The following LAMA2 variants were observed in gnomAD, a reference collection of about 807,000 sequenced individuals.
LAMA2 encodes the protein laminin subunit alpha-2.
In LAMA2, 269 loss-of-function variants were observed where a neutral mutation model predicts 364.8. The observed-to-expected ratio is 0.74, with a 90% CI of 0.67 to 0.82. The LOEUF is 0.82. Ranked by LOEUF, LAMA2 falls within the 40% of genes least tolerant of loss-of-function variation. LAMA2 has a pLI of 0.00. For synonymous variants in LAMA2, 1,379 were observed against 1,370.6 expected (o/e 1.01, Z -0.14); for missense variants, 3,807 against 3,873.2 (o/e 0.98, Z 0.45).
chr6:129,353,967 T>C (rs1242355024), intron 32 of LAMA2, among the ~76,000 whole-genome samples: 2 of 152,218 alleles, frequency 1.3e-5, no homozygotes, highest in Non-Finnish European at 2.9e-5. Flanking sequence ...TAGTGCCATA[T>C]TGAAAGTACA....
chr6:128,991,393 A>G (rs930348376), intron 1 of LAMA2, among the ~76,000 whole-genome samples: 1 of 152,222 alleles, frequency 6.6e-6, no homozygotes, highest in African/African-American at 2.4e-5. Flanking sequence ...GCTCTAAAAA[A>G]TGTAAATGGA....
Position 129,461,646 on chromosome 6 carries a change from T to C in LAMA2, c.6992+1322T>C, listed in dbSNP as rs577822202. ...ATCAACAACAAAACATCTAAGGCAT[T>C]TAAATATCCATTCAGCAGTGCATGT... On this transcript the variant is annotated intron_variant, in intron 49 of 64. Transcript: ENST00000421865. 2.1e-3 allele frequency among the ~76,000 whole-genome samples: 322 copies of C among 152,134 alleles called. 2 individuals are homozygous for C. The highest frequency in any genetic ancestry group is 7.3e-3 in the African/African-American group (304 of 41,536).
chr6:129,465,023 C>T, intron 50 of LAMA2, 122 bp from the exon 51 acceptor site: 1 of 806,106 alleles, frequency 1.2e-6, no homozygotes, highest in Non-Finnish European at 2.1e-6. Flanking sequence ...TGGATTTCTG[C>T]AACAGAGTGA....
chr6:129,239,607 A>T (rs562767496), intron 12 of LAMA2, among the ~76,000 whole-genome samples: 1 of 152,260 alleles, frequency 6.6e-6, no homozygotes, highest in Admixed American at 6.5e-5. Flanking sequence ...AGACAGGTGG[A>T]TCTCTACTCA....
chr6:129,275,608 G>T (rs1788256489), intron 17 of LAMA2, among the ~76,000 whole-genome samples: 1 of 151,660 alleles, frequency 6.6e-6, no homozygotes, highest in South Asian at 2.1e-4. Context: ...TATATTAACA[G>T]CTATGTTAAT....
chr6:128,929,244 G>A, intron 1 of LAMA2: 2 of 1,458,218 alleles, frequency 1.4e-6, no homozygotes, highest in Admixed American at 1.7e-5. Context: ...TTGATGTACT[G>A]TAAGAGACCG....
rs751029725 is a variant in LAMA2, at chr6:129,314,833, A to G, written c.3555+35A>G. ...GAACTGCTGAGCCATGTAATGGTAT[A>G]ATGTTAGTTCCTGCTGGTGTCTTTT... On this transcript the variant is annotated intron_variant, in intron 24 of 64. Transcript: ENST00000421865. 9.3e-6 allele frequency: 15 copies of G among 1,611,680 alleles called. No homozygotes were observed. In the South Asian group the frequency reaches 1.5e-4, roughly 17 times the overall value.
intron 12 of LAMA2, among the ~76,000 whole-genome samples, chr6:129,248,511 ATTAAG>A (rs1785934306): frequency 6.6e-6 from 1 of 152,168 alleles, no homozygotes; most frequent in Admixed American, 6.5e-5. Context: ...GATTTCATAT[ATTAAG>A]TTGATATTTT....
chr6:129,211,770 A>C (rs1783114643), intron 12 of LAMA2, among the ~76,000 whole-genome samples: 1 of 152,172 alleles, frequency 6.6e-6, no homozygotes, highest in Non-Finnish European at 1.5e-5. Flanking sequence ...CCTTCTCTGC[A>C]CAATTCCCAT....
intron 1 of LAMA2, among the ~76,000 whole-genome samples, chr6:128,897,559 C>G (rs1250674007): frequency 6.6e-6 from 1 of 152,130 alleles, no homozygotes; most frequent in Non-Finnish European, 1.5e-5. Context: ...CAAGTGATGG[C>G]AAAAGGATAG....
Position 129,401,227 on chromosome 6 carries a change from A to G in LAMA2, c.5449A>G (p.Lys1817Glu), listed in dbSNP as rs1269988706. ...TCTTGTTCATAATGGTCTACAGAAA[A>G]AGAAGGAGGCTGTTGAAAGCGGCAA... ...NQKNMTALEK[K>E]KEAVESGKRQ... Residue 1817 changes from lysine to glutamate, a missense_variant, in exon 38 of 65, where the codon AAG becomes GAG. Lys to Glu is a moderately conservative substitution (Grantham distance 56). Around this residue, in one of 3 missense-constraint regions of LAMA2, gnomAD observed 3,333 missense variants for 3,345.7 expected, o/e 1.00. Coordinates refer to ENST00000421865, the MANE Select transcript of LAMA2 (RefSeq NM_000426.4). 6.3e-7 allele frequency: 1 copy of G among 1,579,942 alleles called. No individual in the cohort carries two copies. Among genetic ancestry groups the G allele is most frequent in the South Asian group, 1.1e-5 (1 of 90,172 alleles).
intron 14 of LAMA2, among the ~76,000 whole-genome samples, chr6:129,259,434 T>A (rs988380336): frequency 6.6e-6 from 1 of 152,092 alleles, no homozygotes; most frequent in African/African-American, 2.4e-5. Context: ...GGTTACAAGA[T>A]GCCATATCAT....
At chr6:129,216,271 GAAGA>G (rs1783418531) in intron 12 of LAMA2, among the ~76,000 whole-genome samples, 1 of 152,240 alleles carries the variant, frequency 6.6e-6, no homozygotes, top group African/African-American at 2.4e-5. Context: ...TTTGAGAGTA[GAAGA>G]ATATCCTTGA....
chr6:129,332,876 GT>G (rs1775735089), intron 29 of LAMA2, among the ~76,000 whole-genome samples: 1 of 127,780 alleles, frequency 7.8e-6, no homozygotes, highest in Non-Finnish European at 1.6e-5. Flanking sequence ...TTATTGTTAA[GT>G]TTACCATTTT....
chr6:129,501,193 G>A (rs950582371), intron 58 of LAMA2, among the ~76,000 whole-genome samples: 19 of 152,200 alleles, frequency 1.2e-4, no homozygotes, highest in African/African-American at 4.3e-4. Context: ...ATTCATGACT[G>A]AGATCTTAAG....
rs546820696 is a variant in LAMA2, at chr6:129,514,630, C to T, written c.9211+35C>T. ...GGCTACCCCAGCAACAATTTCTTTG[C>T]TCTCTTATGTTACTGGTTTTGAAAA... On this transcript the variant is annotated intron_variant, in intron 64 of 64. Transcript: ENST00000421865. 4.0e-6 allele frequency: 6 copies of T among 1,500,104 alleles called. No individual in the cohort carries two copies. The South Asian group carries it at 5.6e-5, about 14-fold the overall frequency. 92.9% of individuals were successfully genotyped at this position (1,500,104 alleles called of 1,614,324 possible).
At chr6:129,314,604 C>T (rs1376479357) in intron 23 of LAMA2, 51 bp from the exon 24 acceptor site, 1 of 1,582,226 alleles carries the variant, frequency 6.3e-7, no homozygotes, top group East Asian at 2.2e-5. Context: ...AGGGTGATTT[C>T]TCCCCTAACT....
intron 4 of LAMA2, among the ~76,000 whole-genome samples, chr6:129,143,198 G>A (rs1454062500): frequency 6.6e-6 from 1 of 151,758 alleles, no homozygotes; most frequent in African/African-American, 2.4e-5. Flanking sequence ...GATGTCAACT[G>A]TGCTGAATTA....
At chr6:129,039,355 G>C (rs2114750760) in intron 1 of LAMA2, among the ~76,000 whole-genome samples, 1 of 152,278 alleles carries the variant, frequency 6.6e-6, no homozygotes, top group East Asian at 1.9e-4. Flanking sequence ...TGCTATATTT[G>C]TAAATAGGAA....
Sources: gnomAD v4.1 joint callset for allele counts (sites outside exome capture counted in the v4.1 genomes callset) on GRCh38, gnomAD v4.1.1 for gene constraint, gnomAD v4.1.1 regional missense constraint, MANE v1.5 for transcripts, NCBI Gene and HGNC (gene_info 2026-07-23, HGNC 2026-07-21) for gene names.